AGMO: variants seen among roughly 807,000 people sequenced by gnomAD.
AGMO encodes the protein glyceryl-ether monooxygenase.
In AGMO, 75 loss-of-function variants were observed where a neutral mutation model predicts 60.2. The ratio of observed to expected loss-of-function variants is 1.25; its 90% CI spans 1.03 to 1.51. The LOEUF (loss-of-function observed/expected upper bound fraction) is 1.51. Among genes scored for constraint, AGMO ranks in the 40% most tolerant of loss-of-function variants. AGMO has a pLI of 0.00. For missense variants in AGMO, 763 were observed against 525.5 expected, an observed-to-expected ratio of 1.45 and a Z score of -4.42; for synonymous variants, 261 against 177.1, an observed-to-expected ratio of 1.47 and a Z score of -3.76.
At chr7:15,222,875 T>A (rs1009781974) in intron 12 of AGMO, among the ~76,000 whole-genome samples, 3 of 151,970 alleles carry the variant, frequency 2.0e-5, no homozygotes, top group African/African-American at 2.4e-5. Flanking sequence ...CCAACATGCG[T>A]AACAAAAATA....
At chr7:15,333,469 C>T (rs921331565) in intron 12 of AGMO, among the ~76,000 whole-genome samples, 3 of 151,674 alleles carry the variant, frequency 2.0e-5, no homozygotes, top group African/African-American at 7.3e-5. Context: ...GATTTAGAGT[C>T]CTTATGTTTC....
chr7:15,353,912 G>C (rs996849989), intron 12 of AGMO, among the ~76,000 whole-genome samples: 3 of 152,088 alleles, frequency 2.0e-5, no homozygotes, highest in Non-Finnish European at 2.9e-5. Flanking sequence ...AAACTATCAT[G>C]TATTATTCTC....
At chr7:15,310,731 C>T (rs1161239136) in intron 12 of AGMO, among the ~76,000 whole-genome samples, 1 of 152,086 alleles carries the variant, frequency 6.6e-6, no homozygotes, top group Non-Finnish European at 1.5e-5. Context: ...GGCTTAAAAA[C>T]AACACAAATT....
At position 15,560,167 on chromosome 7, in the gene AGMO, T is replaced by G; in HGVS notation, c.231A>C (p.Ser77=). ...TTGGAAGTCGAGACAGAACACCAGC[T>G]GAGATTGACGTTAAAGCATCATCCA... ...GRLDDALTSI[S]AGVLSRLPSL... The change falls in exon 2 of 13, where the codon TCA becomes TCC. Residue 77 remains serine, a synonymous_variant. Transcript: ENST00000342526. 1 of 1,612,830 alleles carries G rather than the reference T, an allele frequency of 6.2e-7. No individual in the cohort carries two copies. Among genetic ancestry groups the G allele is most frequent in the Non-Finnish European group, 8.5e-7 (1 of 1,179,086 alleles).
the AGMO span, among the ~76,000 whole-genome samples, chr7:15,171,708 G>C: frequency 6.6e-6 from 1 of 152,090 alleles, no homozygotes; most frequent in African/African-American, 2.4e-5. Context: ...TATACCATGT[G>C]TGTTTTATAA....
intron 3 of AGMO, among the ~76,000 whole-genome samples, chr7:15,465,129 G>C (rs1415980643): frequency 6.6e-6 from 1 of 151,944 alleles, no homozygotes. Flanking sequence ...TGTGTGTTCT[G>C]TTTGGTTTTG....
chr7:15,381,734 A>G (rs1783698648), intron 10 of AGMO, among the ~76,000 whole-genome samples: 1 of 152,136 alleles, frequency 6.6e-6, no homozygotes, highest in Admixed American at 6.6e-5. Context: ...ATGTTCACTG[A>G]AACACTATTC....
chr7:15,395,887 C>T (rs183894339), intron 5 of AGMO, among the ~76,000 whole-genome samples: 6 of 152,250 alleles, frequency 3.9e-5, no homozygotes, highest in Admixed American at 3.3e-4. Context: ...TTGCTCAATA[C>T]ATGTGAATAG....
intron 6 of AGMO, among the ~76,000 whole-genome samples, chr7:15,392,033 G>C (rs985474766): frequency 3.3e-5 from 5 of 152,002 alleles, no homozygotes; most frequent in Admixed American, 3.3e-4. Flanking sequence ...TGGTAATGTG[G>C]ACTTGTTCTT....
chr7:15,482,464 A>G (rs1376599608), intron 3 of AGMO, among the ~76,000 whole-genome samples: 1 of 152,118 alleles, frequency 6.6e-6, no homozygotes, highest in African/African-American at 2.4e-5. Context: ...TAATTAGAAA[A>G]TCTCCACGGT....
intron 12 of AGMO, among the ~76,000 whole-genome samples, chr7:15,211,843 T>C (rs1161554884): frequency 2.6e-5 from 4 of 152,040 alleles, no homozygotes; most frequent in Non-Finnish European, 5.9e-5. Flanking sequence ...AAAACAATTT[T>C]TTAGTTATAG....
intron 3 of AGMO, among the ~76,000 whole-genome samples, chr7:15,529,690 T>C (rs1431149158): frequency 8.8e-6 from 1 of 113,836 alleles, no homozygotes; most frequent in Admixed American, 1.1e-4. Flanking sequence ...ATATATAGAA[T>C]ATATATTCCA....
At chr7:15,456,841 C>T (rs561511369) in intron 3 of AGMO, among the ~76,000 whole-genome samples, 96 of 152,242 alleles carry the variant, frequency 6.3e-4, no homozygotes, top group East Asian at 1.9e-3. Context: ...TAATTCTTGT[C>T]TGTCAACTTC....
At chr7:15,207,767 T>C (rs1208850894) in intron 12 of AGMO, among the ~76,000 whole-genome samples, 1 of 152,068 alleles carries the variant, frequency 6.6e-6, no homozygotes, top group Non-Finnish European at 1.5e-5. Context: ...ACCACGTCTC[T>C]GCTAAAAATA....
intron 3 of AGMO, among the ~76,000 whole-genome samples, chr7:15,438,249 ATAT>A (rs1302975837): frequency 1.3e-5 from 2 of 151,734 alleles, no homozygotes; most frequent in Non-Finnish European, 2.9e-5. Context: ...ATTGATAACA[ATAT>A]TATTAGTAAT....
chr7:15,385,504 G>A lies in AGMO; in HGVS notation c.1016C>T (p.Thr339Ile). The change falls in exon 10 of 13, where the codon ACA becomes ATA. Residue 339 changes from threonine to isoleucine, a missense_variant. Transcript: ENST00000342526. ...CAACATCAGAGCAAACTGTACAACT[G>A]TATATATCTTTAATAGCTGAGATGA... ...SSSSQLLKIY[T>I]VVQFALMLAF... 1 of 1,613,212 alleles carries A rather than the reference G, an allele frequency of 6.2e-7. No individual in the cohort carries two copies. Among genetic ancestry groups the A allele is most frequent in the South Asian group, 1.1e-5 (1 of 91,016 alleles).
At chr7:15,224,983 A>G (rs1466461237) in intron 12 of AGMO, among the ~76,000 whole-genome samples, 3 of 152,040 alleles carry the variant, frequency 2.0e-5, no homozygotes, top group African/African-American at 7.2e-5. Context: ...TATTATATAT[A>G]AAAAATAAAT....
intron 12 of AGMO, among the ~76,000 whole-genome samples, chr7:15,332,919 A>C (rs1280612212): frequency 6.6e-6 from 1 of 152,138 alleles, no homozygotes; most frequent in Non-Finnish European, 1.5e-5. Flanking sequence ...ACATTTCATG[A>C]TGCTTCCTGG....
intron 3 of AGMO, among the ~76,000 whole-genome samples, chr7:15,525,472 C>A (rs1323946516): frequency 1.3e-5 from 2 of 152,096 alleles, no homozygotes; most frequent in Non-Finnish European, 2.9e-5. Context: ...TTTGCATACT[C>A]ACAAACCAAT....
Sources: gnomAD v4.1 joint callset for allele counts (sites outside exome capture counted in the v4.1 genomes callset) on GRCh38, gnomAD v4.1.1 for gene constraint, MANE v1.5 for transcripts, NCBI Gene and HGNC (gene_info 2026-07-23, HGNC 2026-07-21) for gene names.